The following DAB1 variants were observed in gnomAD, a reference collection of about 807,000 sequenced individuals.
The protein encoded by DAB1 is disabled homolog 1.
A neutral mutation model predicts 64.6 loss-of-function variants in DAB1; 15 were observed. The observed-to-expected ratio is 0.23, with a 90% CI of 0.16 to 0.36. The LOEUF (loss-of-function observed/expected upper bound fraction) is 0.36. Ranked by LOEUF, DAB1 falls within the 10% of genes least tolerant of loss-of-function variation. The probability of loss-of-function intolerance (pLI) is 1.00; values close to 1 mark genes in which losing one functional copy is unlikely to be tolerated. For missense variants in DAB1, 596 were observed against 706.7 expected (o/e 0.84, Z 1.78); for synonymous variants, 235 against 251.9 (o/e 0.93, Z 0.64).
chr1:57,282,718 T>C (rs1672013067), intron 2 of DAB1, among the ~76,000 whole-genome samples: 1 of 152,182 alleles, frequency 6.6e-6, no homozygotes, highest in African/African-American at 2.4e-5. Context: ...AACATTACTC[T>C]CTGCCTCCAA....
intron 7 of DAB1, among the ~76,000 whole-genome samples, chr1:57,483,926 A>G (rs1472796656): frequency 6.6e-6 from 1 of 152,158 alleles, no homozygotes; most frequent in Non-Finnish European, 1.5e-5. Context: ...TAGAGGTAAA[A>G]TGAGCAATTA....
intron 4 of DAB1, among the ~76,000 whole-genome samples, chr1:58,191,704 T>C (rs1205068274): frequency 6.6e-6 from 1 of 152,184 alleles, no homozygotes; most frequent in African/African-American, 2.4e-5. Context: ...ATATAACAAC[T>C]ACGACACCCA....
intron 4 of DAB1, among the ~76,000 whole-genome samples, chr1:58,170,972 C>T (rs772116716): frequency 1.3e-5 from 2 of 151,962 alleles, no homozygotes; most frequent in African/African-American, 4.8e-5. Flanking sequence ...CTGCCCCAGA[C>T]GACTGTCCTC....
At chr1:57,140,262 T>A (rs1658474890) in intron 3 of DAB1, among the ~76,000 whole-genome samples, 1 of 152,194 alleles carries the variant, frequency 6.6e-6, no homozygotes, top group African/African-American at 2.4e-5. Flanking sequence ...TGGGTGCCTA[T>A]GCTAGAGGTT....
intron 5 of DAB1, among the ~76,000 whole-genome samples, chr1:58,070,997 C>A (rs1649201642): frequency 6.6e-6 from 1 of 152,134 alleles, no homozygotes; most frequent in African/African-American, 2.4e-5. Context: ...CATAGAGAAG[C>A]TGCCAGAAGA....
intron 6 of DAB1, among the ~76,000 whole-genome samples, chr1:57,738,153 C>T (rs1647785962): frequency 6.6e-6 from 1 of 152,210 alleles, no homozygotes; most frequent in South Asian, 2.1e-4. Context: ...GCTATGCGAC[C>T]TTCACCAAAT....
rs74335966 is a variant in DAB1, at chr1:57,680,928, A to T, written n.552-31263T>A. Among the ~76,000 whole-genome samples, 465 of 152,334 alleles carry T rather than the reference A, an allele frequency of 3.1e-3. 4 individuals are homozygous for T. The highest frequency in any genetic ancestry group is 3.2e-3 in the Non-Finnish European group (215 of 68,030). ...TTCAAAGTGGGTATTTCTGTAGGTC[A>T]CATCAGTATCTCTGAATGGAATGCT... On this transcript the variant is annotated intron_variant and non_coding_transcript_variant, in intron 6 of 20. Coordinates refer to the DAB1 transcript ENST00000485760.
intron 6 of DAB1, among the ~76,000 whole-genome samples, chr1:57,779,829 C>A (rs1033123729): frequency 6.6e-6 from 1 of 152,076 alleles, no homozygotes; most frequent in Non-Finnish European, 1.5e-5. Context: ...ACAGACAGTT[C>A]CCCCATCACA....
intron 1 of DAB1, among the ~76,000 whole-genome samples, chr1:57,340,555 AG>A (rs1327151186): frequency 6.6e-6 from 1 of 152,198 alleles, no homozygotes; most frequent in Non-Finnish European, 1.5e-5. Flanking sequence ...ACCATTTGCT[AG>A]GCTATGTGGA....
intron 2 of DAB1, among the ~76,000 whole-genome samples, chr1:58,519,243 T>A (rs1646222645): frequency 6.6e-6 from 1 of 152,224 alleles, no homozygotes; most frequent in East Asian, 1.9e-4. Flanking sequence ...ACTTGTTTTT[T>A]ATTTTTGTGG....
At chr1:58,494,623 C>T (rs2100388078) in intron 3 of DAB1, among the ~76,000 whole-genome samples, 1 of 152,232 alleles carries the variant, frequency 6.6e-6, no homozygotes, top group East Asian at 1.9e-4. Context: ...TGAACAGACA[C>T]TTCTCAAAAG....
chr1:58,491,695 C>A lies in DAB1; in HGVS notation n.257+14365G>T, dbSNP rs557524563. On this transcript the variant is annotated intron_variant and non_coding_transcript_variant, in intron 3 of 20. Transcript: ENST00000485760. ...GCCACTACATAATGGTAAAGGGATC[C>A]ATTCAACAAGAAGAGCTAACTATCC... Among the ~76,000 whole-genome samples the A allele has an allele frequency of 1.3e-3, 197 of 152,168 alleles. 2 individuals are homozygous for A. Among genetic ancestry groups the A allele is most frequent in the Middle Eastern group, 3.4e-3 (1 of 294 alleles).
chr1:57,954,664 G>A (rs1393019900), intron 5 of DAB1, among the ~76,000 whole-genome samples: 1 of 152,172 alleles, frequency 6.6e-6, no homozygotes, highest in African/African-American at 2.4e-5. Context: ...AAATTCCTTT[G>A]AATATAGTTT....
chr1:57,258,688 C>T (rs759028242), intron 2 of DAB1, among the ~76,000 whole-genome samples: 1 of 152,158 alleles, frequency 6.6e-6, no homozygotes, highest in Non-Finnish European at 1.5e-5. Flanking sequence ...GATCCAAATC[C>T]TTTTGAATCT....
chr1:57,437,255 C>A (rs1467016102), intron 7 of DAB1, among the ~76,000 whole-genome samples: 3 of 152,054 alleles, frequency 2.0e-5, no homozygotes, highest in East Asian at 1.9e-4. Flanking sequence ...TCAAATAATT[C>A]TCTTCCCTTC....
At chr1:57,365,906 C>G (rs1679960337) in intron 1 of DAB1, among the ~76,000 whole-genome samples, 1 of 152,134 alleles carries the variant, frequency 6.6e-6, no homozygotes, top group Non-Finnish European at 1.5e-5. Context: ...GTATTTCATG[C>G]TAGTTCTAAA....
chr1:57,722,784 G>A (rs1004926578), intron 6 of DAB1, among the ~76,000 whole-genome samples: 3 of 152,174 alleles, frequency 2.0e-5, no homozygotes, highest in African/African-American at 7.2e-5. Context: ...CTGCCAGGTG[G>A]CACTGACATA....
At chr1:57,212,685 A>AG (rs1014250075) in intron 2 of DAB1, among the ~76,000 whole-genome samples, 1 of 152,058 alleles carries the variant, frequency 6.6e-6, no homozygotes, top group African/African-American at 2.4e-5. Context: ...TTATTTACAA[A>AG]GCACATTCAT....
intron 7 of DAB1, among the ~76,000 whole-genome samples, chr1:57,482,477 TAAAAAAAAAAA>T (rs918167439): frequency 1.6e-5 from 1 of 61,182 alleles, no homozygotes; most frequent in African/African-American, 5.4e-5. Flanking sequence ...CTGAAAGTTG[TAAAAAAAAAAA>T]AAAAAAAAAA....
Sources: gnomAD v4.1 joint callset for allele counts (sites outside exome capture counted in the v4.1 genomes callset) on GRCh38, gnomAD v4.1.1 for gene constraint, MANE v1.5 for transcripts, NCBI Gene and HGNC (gene_info 2026-07-23, HGNC 2026-07-21) for gene names.